Variants in SKP1 observed in about 807,000 individuals in gnomAD.
SKP1 encodes the protein S-phase kinase-associated protein 1.
A neutral mutation model predicts 21.5 loss-of-function variants in SKP1; 1 was observed. The observed-to-expected ratio is 0.05, with a 90% CI of 0.02 to 0.22. The LOEUF is 0.22. Ranked by LOEUF, SKP1 falls within the 10% of genes least tolerant of loss-of-function variation. SKP1 has a pLI of 1.00. For synonymous variants in SKP1, 59 were observed against 59.3 expected (o/e 0.99, Z 0.03); for missense variants, 70 against 192.0 (o/e 0.36, Z 3.76).
chr5:134,168,509 C>T (rs879698231), intron 2 of SKP1, among the ~76,000 whole-genome samples: 2 of 152,060 alleles, frequency 1.3e-5, no homozygotes, highest in African/African-American at 2.4e-5. Flanking sequence ...AACAGAAATA[C>T]ACTTTTTTCC....
At chr5:134,167,024 CAAGT>C (rs1310774437) in intron 3 of SKP1, 142 bp downstream of exon 3, 5 of 593,274 alleles carry the variant, frequency 8.4e-6, no homozygotes, top group African/African-American at 1.9e-5. Flanking sequence ...AAACATCACT[CAAGT>C]AAGTGTTTAA....
At chr5:134,163,895 A>C (rs4958217) in intron 3 of SKP1, among the ~76,000 whole-genome samples, 135,919 of 152,128 alleles carry the variant, frequency 0.89, 61,086 homozygotes, top group Middle Eastern at 0.95. Context: ...TTATCTACTC[A>C]CTTCTTGCTC....
chr5:134,171,715 A>C (rs1761443330), intron 2 of SKP1, among the ~76,000 whole-genome samples: 2 of 152,358 alleles, frequency 1.3e-5, no homozygotes, highest in African/African-American at 4.8e-5. Flanking sequence ...TTACTTCAGA[A>C]TGATCTCCCA....
chr5:134,160,548 C>T (rs1343174232), intron 4 of SKP1, among the ~76,000 whole-genome samples: 1 of 152,070 alleles, frequency 6.6e-6, no homozygotes, highest in Non-Finnish European at 1.5e-5. Flanking sequence ...AGTTCTGCTT[C>T]TAGCCAGATA....
chr5:134,161,379 T>A (rs1761215413), intron 3 of SKP1: 2 of 332,924 alleles, frequency 6.0e-6, no homozygotes, highest in Non-Finnish European at 1.1e-5. Flanking sequence ...AAAGCTTCTA[T>A]GCAAAAAGAA....
chr5:134,160,732 T>G (rs1266162882), intron 4 of SKP1, among the ~76,000 whole-genome samples: 1 of 152,232 alleles, frequency 6.6e-6, no homozygotes, highest in Non-Finnish European at 1.5e-5. Flanking sequence ...TAAACCTAGT[T>G]CTGTCTATAT....
rs2149371554 is a variant in SKP1, at chr5:134,152,700, C to T, written c.*5033G>A. The T allele has an allele frequency of 6.6e-6, 1 of 152,366 alleles. No homozygotes were observed. The highest frequency in any genetic ancestry group is 1.5e-5 in the Non-Finnish European group (1 of 68,088). The allele number at this position is 152,366 out of a possible 1,614,324, so 9.4% of individuals were successfully genotyped here. On this transcript the variant is annotated 3_prime_UTR_variant, in exon 6 of 6. Coordinates refer to ENST00000353411, the MANE Select transcript of SKP1 (RefSeq NM_170679.3). ...GGGACTACAGGCATGTGCCACCACGCCCAGCTAATTTTTGTATTTTTAGTA... is the reference window on the plus strand; with the variant it reads ...GGGACTACAGGCATGTGCCACCACGTCCAGCTAATTTTTGTATTTTTAGTA...
intron 2 of SKP1, among the ~76,000 whole-genome samples, chr5:134,169,376 T>C (rs563189760): frequency 6.6e-6 from 1 of 152,232 alleles, no homozygotes; most frequent in Non-Finnish European, 1.5e-5. Context: ...CAATGTCTCA[T>C]GTAAAGCTCT....
intron 4 of SKP1, among the ~76,000 whole-genome samples, chr5:134,160,190 T>C (rs2149373534): frequency 6.6e-6 from 1 of 151,840 alleles, no homozygotes; most frequent in South Asian, 2.1e-4. Flanking sequence ...ACCCCATCTC[T>C]ACTAAAAATA....
At chr5:134,172,452 G>C (rs1240735223) in intron 2 of SKP1, among the ~76,000 whole-genome samples, 1 of 151,964 alleles carries the variant, frequency 6.6e-6, no homozygotes. Context: ...ACTAAAAAGA[G>C]ATCCACATTA....
At chr5:134,176,309 G>C (rs921746875) in intron 1 of SKP1, among the ~76,000 whole-genome samples, 4 of 152,164 alleles carry the variant, frequency 2.6e-5, no homozygotes, top group Non-Finnish European at 4.4e-5. Flanking sequence ...AGCCAGGACC[G>C]ACCGGTAGCT....
intron 4 of SKP1, 120 bp from the exon 5 acceptor site, chr5:134,158,715 G>A (rs1312530666): frequency 2.3e-5 from 20 of 863,140 alleles, no homozygotes; most frequent in Non-Finnish European, 3.7e-5. Flanking sequence ...AAATTAAAGG[G>A]AGAAGAATAA....
intron 2 of SKP1, among the ~76,000 whole-genome samples, chr5:134,169,590 T>C (rs1761400262): frequency 6.6e-6 from 1 of 152,162 alleles, no homozygotes; most frequent in African/African-American, 2.4e-5. Context: ...TTTGGCCGGG[T>C]GCAGTGGCTC....
chr5:134,158,095 C>T, intron 5 of SKP1: 1 of 1,416,934 alleles, frequency 7.1e-7, no homozygotes, highest in South Asian at 1.3e-5. Context: ...TCATTTCCTC[C>T]CCTCATTAAG....
rs1485862448 is a variant in SKP1, at chr5:134,149,726, A to ATCTGATTTGC, written c.*8006_*8007insGCAAATCAGA. On this transcript the variant is annotated 3_prime_UTR_variant, in exon 6 of 6. Coordinates refer to ENST00000353411, the MANE Select transcript of SKP1 (RefSeq NM_170679.3). ...AAAACCTACATTCTAACCAGGGCTT[A>ATCTGATTTGC]TGCAAGACCAGGTTGCTGCATCTGA... 4 of 151,938 alleles carry ATCTGATTTGC rather than the reference A, an allele frequency of 2.6e-5. No homozygotes were observed. Among genetic ancestry groups the ATCTGATTTGC allele is most frequent in the African/African-American group, 7.3e-5 (3 of 41,276 alleles). The allele number at this position is 151,938 out of a possible 1,614,324, so 9.4% of individuals were successfully genotyped here. A position where few individuals can be genotyped will look rare whatever the true frequency, so the allele number is the denominator to read the frequency against.
chr5:134,162,020 G>C (rs1335991605), intron 3 of SKP1: 2 of 151,070 alleles, frequency 1.3e-5, no homozygotes, highest in East Asian at 3.9e-4. Flanking sequence ...AAACAATGCT[G>C]AGAGAAAATG....
intron 2 of SKP1, among the ~76,000 whole-genome samples, chr5:134,167,497 G>T (rs1435603992): frequency 6.6e-6 from 1 of 151,396 alleles, no homozygotes; most frequent in African/African-American, 2.4e-5. Context: ...CATTTACATT[G>T]TATCCGGCAT....
At position 134,161,141 on chromosome 5, in the gene SKP1, A is replaced by G. The variant is rs1256795005; in HGVS notation, c.172-11T>C. 2.5e-6 allele frequency: 4 copies of G among 1,585,976 alleles called. No homozygotes were observed. The highest frequency in any genetic ancestry group is 4.5e-5 in the East Asian group (2 of 44,188). Reference sequence around the variant, plus strand: ...GCACCACTGAATGACCTACAACAACAAAAGTTCATTCCTCTGTGGCACTTT... The same window carrying G: ...GCACCACTGAATGACCTACAACAACGAAAGTTCATTCCTCTGTGGCACTTT... On this transcript the variant is annotated splice_polypyrimidine_tract_variant and intron_variant, in intron 3 of 5. Coordinates refer to ENST00000353411, the MANE Select transcript of SKP1 (RefSeq NM_170679.3).
At chr5:134,163,456 AAATAT>A (rs1043180482) in intron 3 of SKP1, among the ~76,000 whole-genome samples, 5 of 151,528 alleles carry the variant, frequency 3.3e-5, no homozygotes, top group African/African-American at 1.2e-4. Context: ...TTATTCTTCA[AAATAT>A]GATATATATT....
Sources: allele counts gnomAD v4.1 joint callset (sites outside exome capture counted in the v4.1 genomes callset), GRCh38; gene constraint gnomAD v4.1.1; transcripts MANE v1.5; gene names NCBI Gene and HGNC (gene_info 2026-07-23, HGNC 2026-07-21).